LRRTM4: variants seen among roughly 807,000 people sequenced by gnomAD.
LRRTM4 encodes the protein leucine-rich repeat transmembrane neuronal protein 4.
A neutral mutation model predicts 47.6 loss-of-function variants in LRRTM4; 25 were observed. That is an observed-to-expected ratio of 0.53 (90% confidence interval 0.38 to 0.73). The LOEUF is 0.73. Ranked by LOEUF, LRRTM4 falls within the 30% of genes least tolerant of loss-of-function variation. The pLI, the probability that LRRTM4 is intolerant of heterozygous loss-of-function variation, is 0.00. For synonymous variants in LRRTM4, 311 were observed against 269.5 expected (o/e 1.15, Z -1.51); for missense variants, 638 against 713.4 (o/e 0.89, Z 1.20).
intron 3 of LRRTM4, among the ~76,000 whole-genome samples, chr2:76,961,718 A>C (rs558386875): frequency 3.3e-5 from 5 of 151,426 alleles, no homozygotes; most frequent in Middle Eastern, 3.4e-3. Context: ...AATTTCTAAA[A>C]TGAAGGGTTA....
chr2:76,988,192 G>A lies in LRRTM4; in HGVS notation c.1552-239276C>T, dbSNP rs573102915. On this transcript the variant is annotated intron_variant, in intron 3 of 3. Transcript: ENST00000409884. ...CCAACCTAATTTCTCCAAATGCTTC[G>A]TCTTCCTATTTTTTTGTCATTGATA... is the stretch of plus-strand genomic sequence containing the variant. 7.9e-5 allele frequency among the ~76,000 whole-genome samples: 12 copies of A among 151,666 alleles called. No individual in the cohort carries two copies. In the South Asian group the frequency reaches 8.3e-4, roughly 11 times the overall value.
chr2:77,380,334 A>T (rs985497862), intron 3 of LRRTM4, among the ~76,000 whole-genome samples: 1 of 152,162 alleles, frequency 6.6e-6, no homozygotes, highest in East Asian at 1.9e-4. Flanking sequence ...TTTGAGGACA[A>T]TTTGGCAACA....
At chr2:76,952,589 T>C (rs1675532675) in intron 3 of LRRTM4, among the ~76,000 whole-genome samples, 1 of 151,948 alleles carries the variant, frequency 6.6e-6, no homozygotes, top group Non-Finnish European at 1.5e-5. Context: ...ACACTGTTTG[T>C]GGAAATGTAA....
chr2:76,857,033 T>A (rs556314569), intron 3 of LRRTM4, among the ~76,000 whole-genome samples: 1 of 152,078 alleles, frequency 6.6e-6, no homozygotes, highest in African/African-American at 2.4e-5. Flanking sequence ...CATTATTTTT[T>A]AAAACACATT....
At chr2:76,800,786 G>T (rs1675626161) in intron 3 of LRRTM4, among the ~76,000 whole-genome samples, 1 of 142,766 alleles carries the variant, frequency 7.0e-6, no homozygotes, top group Admixed American at 7.0e-5. Flanking sequence ...ATCAAAAAGT[G>T]GGCGAAGGAC....
At chr2:77,328,179 C>T (rs1042175370) in intron 3 of LRRTM4, among the ~76,000 whole-genome samples, 5 of 152,150 alleles carry the variant, frequency 3.3e-5, no homozygotes, top group Non-Finnish European at 1.5e-5. Flanking sequence ...AACTCCATAG[C>T]CTCCTTGATA....
At chr2:76,759,005 T>G (rs1232626947) in intron 3 of LRRTM4, among the ~76,000 whole-genome samples, 4 of 152,196 alleles carry the variant, frequency 2.6e-5, no homozygotes, top group Non-Finnish European at 4.4e-5. Context: ...CATTTAATCT[T>G]CATGTGTTAA....
At chr2:76,873,374 A>G (rs1490187641) in intron 3 of LRRTM4, among the ~76,000 whole-genome samples, 1 of 151,524 alleles carries the variant, frequency 6.6e-6, no homozygotes, top group East Asian at 1.9e-4. Context: ...ATCTGTATAT[A>G]CACACATTAT....
intron 3 of LRRTM4, among the ~76,000 whole-genome samples, chr2:76,805,651 T>C (rs979439725): frequency 3.3e-5 from 5 of 152,210 alleles, no homozygotes; most frequent in African/African-American, 4.8e-5. Flanking sequence ...ATCTTTTCTT[T>C]AGTTTAATGC....
At chr2:77,283,328 GA>G (rs1277774346) in intron 3 of LRRTM4, among the ~76,000 whole-genome samples, 3 of 151,940 alleles carry the variant, frequency 2.0e-5, no homozygotes, top group Admixed American at 6.6e-5. Flanking sequence ...AAAAACAAGA[GA>G]TTCTGGTGGG....
At chr2:76,843,981 A>C (rs1181942969) in intron 3 of LRRTM4, among the ~76,000 whole-genome samples, 1 of 148,264 alleles carries the variant, frequency 6.7e-6, no homozygotes, top group African/African-American at 2.5e-5. Flanking sequence ...GGCTCACTGC[A>C]AGCTCTGCCT....
chr2:77,008,068 G>A (rs1278737664), intron 3 of LRRTM4, among the ~76,000 whole-genome samples: 1 of 152,182 alleles, frequency 6.6e-6, no homozygotes, highest in Non-Finnish European at 1.5e-5. Flanking sequence ...GTGAACAACT[G>A]TAGCATCCTG....
chr2:77,435,627 A>C (rs1675561041), intron 3 of LRRTM4, among the ~76,000 whole-genome samples: 1 of 152,182 alleles, frequency 6.6e-6, no homozygotes, highest in African/African-American at 2.4e-5. Flanking sequence ...GATGTGAGTA[A>C]GAAAGATACA....
At chr2:76,763,881 G>A (rs1460047803) in intron 3 of LRRTM4, among the ~76,000 whole-genome samples, 4 of 152,166 alleles carry the variant, frequency 2.6e-5, no homozygotes, top group Non-Finnish European at 4.4e-5. Flanking sequence ...CTACCCACTA[G>A]ATGTATTATA....
chr2:77,300,559 G>T (rs1176082499), intron 3 of LRRTM4, among the ~76,000 whole-genome samples: 1 of 152,076 alleles, frequency 6.6e-6, no homozygotes, highest in African/African-American at 2.4e-5. Context: ...GTTATAACAA[G>T]TATACATTAC....
intron 3 of LRRTM4, among the ~76,000 whole-genome samples, chr2:76,883,874 A>G (rs868153524): frequency 6.6e-6 from 1 of 152,138 alleles, no homozygotes; most frequent in East Asian, 1.9e-4. Context: ...TTTTATTGGT[A>G]CCTGATTTAA....
intron 3 of LRRTM4, among the ~76,000 whole-genome samples, chr2:77,025,809 T>C (rs1438861316): frequency 6.6e-6 from 1 of 152,200 alleles, no homozygotes; most frequent in Non-Finnish European, 1.5e-5. Context: ...TTTTATCCTT[T>C]TATTCCTCAT....
chr2:76,957,894 A>T (rs1031504697), intron 3 of LRRTM4, among the ~76,000 whole-genome samples: 1 of 151,544 alleles, frequency 6.6e-6, no homozygotes, highest in Non-Finnish European at 1.5e-5. Context: ...TTAAGATTAT[A>T]TGTATACATA....
In LRRTM4 at chr2:76,827,063, G is replaced by T. The variant is rs1413266001; in HGVS notation, c.1552-78147C>A. Among the ~76,000 whole-genome samples the T allele has an allele frequency of 2.6e-5, 4 of 151,840 alleles. No homozygotes were observed. The East Asian group carries it at 7.7e-4, about 29-fold the overall frequency. Reference sequence around the variant, plus strand: ...GGACTTTTGAGTATTTCTCTCTCCTGAGACCGTTAGTTCTCATGGTAAATC... The same window carrying T: ...GGACTTTTGAGTATTTCTCTCTCCTTAGACCGTTAGTTCTCATGGTAAATC... On this transcript the variant is annotated intron_variant, in intron 3 of 3. Transcript: ENST00000409884.
Sources: gnomAD v4.1 joint callset for allele counts (sites outside exome capture counted in the v4.1 genomes callset) on GRCh38, gnomAD v4.1.1 for gene constraint, MANE v1.5 for transcripts, NCBI Gene and HGNC (gene_info 2026-07-23, HGNC 2026-07-21) for gene names.